CNTN3: variants seen among roughly 807,000 people sequenced by gnomAD.
CNTN3 encodes the protein contactin 3, also known as contactin-3.
In CNTN3, 60 loss-of-function variants were observed where a neutral mutation model predicts 119.1. The observed-to-expected ratio is 0.50, with a 90% CI of 0.41 to 0.62. CNTN3 has a LOEUF of 0.62. CNTN3 is among the 20% of genes least tolerant of loss of function. The pLI is 0.00. For missense variants in CNTN3, 1,101 were observed against 1,242.4 expected (o/e 0.89, Z 1.71); for synonymous variants, 450 against 438.7 (o/e 1.03, Z -0.32).
At chr3:74,290,251 C>T (rs999190610) in intron 19 of CNTN3, among the ~76,000 whole-genome samples, 1 of 152,178 alleles carries the variant, frequency 6.6e-6, no homozygotes, top group South Asian at 2.1e-4. Context: ...TGCTCCTAGG[C>T]TATAAACCTG....
intron 13 of CNTN3, among the ~76,000 whole-genome samples, chr3:74,326,412 A>G (rs1054063384): frequency 2.0e-5 from 3 of 152,180 alleles, no homozygotes; most frequent in Non-Finnish European, 2.9e-5. Context: ...GATATATAAT[A>G]ATCAAAATAG....
chr3:74,271,669 T>G (rs1240876048), intron 20 of CNTN3, among the ~76,000 whole-genome samples: 1 of 152,194 alleles, frequency 6.6e-6, no homozygotes, highest in Non-Finnish European at 1.5e-5. Context: ...TGATAAAAAG[T>G]TGTTATAACT....
chr3:74,520,701 T>G (rs749889572), intron 2 of CNTN3, among the ~76,000 whole-genome samples: 1 of 151,556 alleles, frequency 6.6e-6, no homozygotes, highest in African/African-American at 2.4e-5. Flanking sequence ...TTTAAATTTA[T>G]ATGCTCCTTT....
At chr3:74,588,974 T>C (rs1464733534) in intron 1 of CNTN3, among the ~76,000 whole-genome samples, 1 of 151,980 alleles carries the variant, frequency 6.6e-6, no homozygotes, top group Non-Finnish European at 1.5e-5. Context: ...ATTAAAGACT[T>C]AAACGTTAGA....
At chr3:74,274,996 GA>G in intron 20 of CNTN3, among the ~76,000 whole-genome samples, 1 of 152,064 alleles carries the variant, frequency 6.6e-6, no homozygotes, top group Non-Finnish European at 1.5e-5. Context: ...CACATATATA[GA>G]AATGCAAAAT....
intron 13 of CNTN3, among the ~76,000 whole-genome samples, chr3:74,303,675 G>T (rs903545321): frequency 2.6e-5 from 4 of 152,114 alleles, no homozygotes; most frequent in African/African-American, 4.8e-5. Context: ...CTCCAGCTTG[G>T]CTGACAGGCA....
At chr3:74,400,429 C>G (rs935625884) in intron 5 of CNTN3, among the ~76,000 whole-genome samples, 3 of 152,144 alleles carry the variant, frequency 2.0e-5, no homozygotes, top group African/African-American at 7.2e-5. Context: ...ATTAGAATCT[C>G]TAGTCATTAA....
intron 1 of CNTN3, among the ~76,000 whole-genome samples, chr3:74,613,507 T>C (rs1322547672): frequency 6.6e-6 from 1 of 152,072 alleles, no homozygotes; most frequent in African/African-American, 2.4e-5. Flanking sequence ...TTGCTGTCCT[T>C]ACCGTAGCGG....
At chr3:74,548,378 A>G (rs1452266693) in intron 1 of CNTN3, among the ~76,000 whole-genome samples, 7 of 152,146 alleles carry the variant, frequency 4.6e-5, no homozygotes, top group African/African-American at 1.2e-4. Flanking sequence ...TTTCTATTTT[A>G]TCTACATATT....
intron 20 of CNTN3, among the ~76,000 whole-genome samples, chr3:74,279,926 A>G (rs765109890): frequency 1.6e-4 from 24 of 152,200 alleles, no homozygotes; most frequent in Non-Finnish European, 3.1e-4. Context: ...ACAAAAAAAT[A>G]GAATGACTAA....
At chr3:74,447,856 C>A (rs977895707) in intron 4 of CNTN3, among the ~76,000 whole-genome samples, 1 of 152,062 alleles carries the variant, frequency 6.6e-6, no homozygotes, top group African/African-American at 2.4e-5. Context: ...AAAACATGAA[C>A]CATTTTTAAA....
intron 4 of CNTN3, among the ~76,000 whole-genome samples, chr3:74,427,484 G>C (rs913314582): frequency 6.6e-6 from 1 of 152,182 alleles, no homozygotes; most frequent in East Asian, 1.9e-4. Flanking sequence ...TGAGAAAAGA[G>C]TAGTGTCAAT....
At chr3:74,403,429 C>T (rs545578439) in intron 5 of CNTN3, among the ~76,000 whole-genome samples, 7 of 152,250 alleles carry the variant, frequency 4.6e-5, no homozygotes, top group Non-Finnish European at 8.8e-5. Flanking sequence ...TGAGAAAAGT[C>T]ACAAAGCACT....
At chr3:74,527,799 T>C (rs1001462425) in intron 1 of CNTN3, among the ~76,000 whole-genome samples, 4 of 151,976 alleles carry the variant, frequency 2.6e-5, no homozygotes. Context: ...TATTTGTACT[T>C]GACATGCAAT....
chr3:74,537,940 A>G (rs924180590), intron 1 of CNTN3, among the ~76,000 whole-genome samples: 2 of 152,120 alleles, frequency 1.3e-5, no homozygotes, highest in Admixed American at 6.6e-5. Flanking sequence ...CCCGAGGGGA[A>G]GGGACGGTGG....
At chr3:74,474,260 C>T (rs971120129) in intron 4 of CNTN3, among the ~76,000 whole-genome samples, 2 of 152,098 alleles carry the variant, frequency 1.3e-5, no homozygotes, top group African/African-American at 4.8e-5. Flanking sequence ...TGAAACATGG[C>T]TCTCAGTTTG....
At chr3:74,295,932 C>T (rs533289538) in intron 18 of CNTN3, among the ~76,000 whole-genome samples, 14 of 152,214 alleles carry the variant, frequency 9.2e-5, no homozygotes, top group African/African-American at 2.6e-4. Flanking sequence ...GATGCTAAGA[C>T]GAATTCCTGG....
chr3:74,306,578 G>T (rs1011775032), intron 13 of CNTN3, among the ~76,000 whole-genome samples: 1 of 151,976 alleles, frequency 6.6e-6, no homozygotes, highest in Admixed American at 6.6e-5. Context: ...TCTCTATTTT[G>T]CTCAAAACTT....
At chr3:74,324,567 G>C (rs956281320) in intron 13 of CNTN3, among the ~76,000 whole-genome samples, 3 of 152,154 alleles carry the variant, frequency 2.0e-5, no homozygotes, top group Non-Finnish European at 4.4e-5. Context: ...AGCAAAATCT[G>C]CCAGAAGTTT....
Sources: allele counts gnomAD v4.1 joint callset (sites outside exome capture counted in the v4.1 genomes callset), GRCh38; gene constraint gnomAD v4.1.1; transcripts MANE v1.5; gene names NCBI Gene and HGNC (gene_info 2026-07-23, HGNC 2026-07-21).